The following TMEM229B variants were observed in gnomAD, a reference collection of about 807,000 sequenced individuals.
TMEM229B encodes transmembrane protein 229B.
Under a neutral mutation model 13.7 loss-of-function variants are expected in TMEM229B, and 6 were observed. That is an observed-to-expected ratio of 0.44 (90% confidence interval 0.24 to 0.86). The LOEUF (loss-of-function observed/expected upper bound fraction) is 0.86, where lower values mean the gene tolerates loss of function less well. TMEM229B is among the 40% of genes least tolerant of loss of function. TMEM229B has a pLI of 0.23. For missense variants in TMEM229B, 170 were observed against 236.0 expected (o/e 0.72, Z 1.83); for synonymous variants, 107 against 102.1 (o/e 1.05, Z -0.29).
chr14:67,471,742 C>CCACCCCACCACAACCTG lies in TMEM229B; in HGVS notation c.*1677_*1678insCAGGTTGTGGTGGGGTG, dbSNP rs1566665776. 6.6e-6 allele frequency: 1 copy of CCACCCCACCACAACCTG among 152,322 alleles called. No homozygotes were observed. Among genetic ancestry groups the CCACCCCACCACAACCTG allele is most frequent in the African/African-American group, 2.4e-5 (1 of 41,430 alleles). 9.4% of individuals were successfully genotyped at this position (152,322 alleles called of 1,614,324 possible). ...TCCAGACCTAGGACACAACTGTGGCCCACCCCACCACACCCTGCACCCCAC... is the reference window on the plus strand; with the variant it reads ...TCCAGACCTAGGACACAACTGTGGCCCACCCCACCACAACCTGCACCCCACCACACCCTGCACCCCAC... On this transcript the variant is annotated 3_prime_UTR_variant, in exon 3 of 3. Coordinates refer to ENST00000554480, the MANE Select transcript of TMEM229B (RefSeq NM_001348543.2).
intron 1 of TMEM229B, among the ~76,000 whole-genome samples, chr14:67,510,162 C>A (rs1265155724): frequency 2.6e-5 from 4 of 152,302 alleles, no homozygotes; most frequent in Admixed American, 2.6e-4. Flanking sequence ...TTAATAGTAG[C>A]TATCTCATTG....
chr14:67,478,682 A>C (rs144496669), intron 2 of TMEM229B, among the ~76,000 whole-genome samples: 32 of 151,966 alleles, frequency 2.1e-4, no homozygotes, highest in Admixed American at 1.3e-4. Flanking sequence ...CCAGATCTCT[A>C]CCTTGCTGTT....
intron 1 of TMEM229B, among the ~76,000 whole-genome samples, chr14:67,501,084 T>A (rs942079853): frequency 5.6e-5 from 8 of 141,840 alleles, no homozygotes; most frequent in Non-Finnish European, 1.1e-4. Context: ...ATAATAATAA[T>A]AAAGAAAATG....
intron 2 of TMEM229B, among the ~76,000 whole-genome samples, chr14:67,479,623 C>T (rs1215135629): frequency 2.0e-5 from 3 of 152,012 alleles, no homozygotes; most frequent in Non-Finnish European, 4.4e-5. Flanking sequence ...GAGGCTGAGG[C>T]AGGAGAATCG....
At chr14:67,489,540 C>T (rs2032068923), upstream of TMEM229B, among the ~76,000 whole-genome samples, 1 of 152,170 alleles carries the variant, frequency 6.6e-6, no homozygotes, top group South Asian at 2.1e-4. Flanking sequence ...TCTCTCCTGC[C>T]CTCCTCTGCA....
chr14:67,521,612 A>G, intron 1 of TMEM229B, among the ~76,000 whole-genome samples: 1 of 152,222 alleles, frequency 6.6e-6, no homozygotes, highest in East Asian at 1.9e-4. Flanking sequence ...GTATTCATGA[A>G]CACCTTGAGC....
chr14:67,475,077 G>A lies in TMEM229B; in HGVS notation c.-18-1136C>T, dbSNP rs373306400. Among the ~76,000 whole-genome samples, 9 of 152,040 alleles carry A rather than the reference G, an allele frequency of 5.9e-5. No homozygotes were observed. In the South Asian group the frequency reaches 1.7e-3, roughly 28 times the overall value. ...ACTACAGGCACACACCATCATGCCC[G>A]GCTAATTTTTGAATTTTAGTAGAGA... is the stretch of plus-strand genomic sequence containing the variant. On this transcript the variant is annotated intron_variant, in intron 2 of 2. Coordinates refer to ENST00000554480, the MANE Select transcript of TMEM229B (RefSeq NM_001348543.2).
At chr14:67,494,115 T>A (rs1218445425) in intron 1 of TMEM229B, among the ~76,000 whole-genome samples, 2 of 152,140 alleles carry the variant, frequency 1.3e-5, no homozygotes, top group Non-Finnish European at 2.9e-5. Flanking sequence ...CTCAGCCCCT[T>A]ACTGGACAGC....
intron 1 of TMEM229B, among the ~76,000 whole-genome samples, chr14:67,494,568 G>GC (rs1361727000): frequency 6.6e-6 from 1 of 152,128 alleles, no homozygotes; most frequent in African/African-American, 2.4e-5. Context: ...AATCGGCCCC[G>GC]CCCCCACACA....
upstream of TMEM229B, among the ~76,000 whole-genome samples, chr14:67,491,096 T>C (rs2032150600): frequency 6.6e-6 from 1 of 152,210 alleles, no homozygotes; most frequent in Non-Finnish European, 1.5e-5. Context: ...TCTGAACAAT[T>C]GGTTACAAAC....
chr14:67,498,672 G>C (rs1185965358), intron 1 of TMEM229B, among the ~76,000 whole-genome samples: 1 of 152,062 alleles, frequency 6.6e-6, no homozygotes, highest in Non-Finnish European at 1.5e-5. Flanking sequence ...GTTGTTGTTG[G>C]TTTTCCTTTT....
At chr14:67,476,925 AGACCAGCCT>A (rs2031240301) in intron 2 of TMEM229B, among the ~76,000 whole-genome samples, 3 of 152,308 alleles carry the variant, frequency 2.0e-5, no homozygotes, top group African/African-American at 7.2e-5. Flanking sequence ...CAGGAGTTCA[AGACCAGCCT>A]GACCAAAATG....
At chr14:67,500,475 C>CAAACA (rs2032561221) in intron 1 of TMEM229B, among the ~76,000 whole-genome samples, 1 of 151,888 alleles carries the variant, frequency 6.6e-6, no homozygotes, top group Non-Finnish European at 1.5e-5. Flanking sequence ...CACTCCATCT[C>CAAACA]AAACAAAACA....
chr14:67,492,879 A>T (rs2032224850), upstream of TMEM229B, among the ~76,000 whole-genome samples: 1 of 152,260 alleles, frequency 6.6e-6, no homozygotes, highest in Non-Finnish European at 1.5e-5. Context: ...CTTGGAGCTC[A>T]CAGGCAGGTG....
intron 1 of TMEM229B, chr14:67,503,628 T>C (rs1214213584): frequency 2.6e-5 from 4 of 152,240 alleles, no homozygotes; most frequent in African/African-American, 9.6e-5. Context: ...AATCCCAGCT[T>C]TGACACCAAT....
At chr14:67,516,409 T>C (rs532669542), upstream of TMEM229B, among the ~76,000 whole-genome samples, 1 of 151,750 alleles carries the variant, frequency 6.6e-6, no homozygotes, top group African/African-American at 2.4e-5. Context: ...GGGGGGGAAA[T>C]GAGGAGAGGG....
chr14:67,477,246 C>T (rs114750101), intron 2 of TMEM229B, among the ~76,000 whole-genome samples: 56 of 152,240 alleles, frequency 3.7e-4, no homozygotes, highest in African/African-American at 1.3e-3. Flanking sequence ...ATTCAAGATT[C>T]TTCATGACCT....
chr14:67,474,027 G>C, intron 2 of TMEM229B, 86 bp from the exon 3 acceptor site: 1 of 1,393,438 alleles, frequency 7.2e-7, no homozygotes, highest in South Asian at 1.5e-5. Context: ...CCGAGGCGGC[G>C]GATCACTTGA....
chr14:67,519,710 G>GT (rs1233955135), upstream of TMEM229B, among the ~76,000 whole-genome samples: 11 of 89,056 alleles, frequency 1.2e-4, no homozygotes, highest in Admixed American at 1.4e-3. Context: ...GGCCCTGTAA[G>GT]TTTGTTTTTT....
Sources: gnomAD v4.1 joint callset for allele counts (sites outside exome capture counted in the v4.1 genomes callset) on GRCh38, gnomAD v4.1.1 for gene constraint, MANE v1.5 for transcripts, NCBI Gene and HGNC (gene_info 2026-07-23, HGNC 2026-07-21) for gene names.